Variants in OTULINL observed in about 807,000 individuals in gnomAD.
OTULINL encodes the protein OTU deubiquitinase with linear linkage specificity like, also known as inactive ubiquitin thioesterase OTULINL.
In OTULINL, 42 loss-of-function variants were observed where a neutral mutation model predicts 43.9. The observed-to-expected ratio is 0.96, with a 90% CI of 0.75 to 1.24. OTULINL has a LOEUF of 1.24. Ranked by LOEUF, OTULINL falls within the 50% of genes most tolerant of loss-of-function variation. The pLI is 0.00. For synonymous variants in OTULINL, 172 were observed against 153.6 expected, an observed-to-expected ratio of 1.12 and a Z score of -0.88; for missense variants, 411 against 426.4, an observed-to-expected ratio of 0.96 and a Z score of 0.32.
intron 5 of OTULINL, 101 bp from the exon 6 acceptor site, chr5:14,607,229 C>CG: frequency 1.3e-5 from 16 of 1,249,380 alleles, no homozygotes; most frequent in Admixed American, 2.4e-5. Flanking sequence ...GATTCCATCT[C>CG]GAAAAAAAAA....
chr5:14,585,947 T>G (rs1165447713), intron 1 of OTULINL, among the ~76,000 whole-genome samples: 2 of 152,258 alleles, frequency 1.3e-5, no homozygotes, highest in Non-Finnish European at 2.9e-5. Flanking sequence ...TGTATACTGT[T>G]GTTATTGTTT....
In OTULINL at chr5:14,613,987, T is replaced by G. The variant is rs1759626273; in HGVS notation, c.*3673T>G. The stretch of plus-strand genomic sequence containing the variant: ...CTGACTTTTTTGAATGCTCTGGAAA[T>G]GTTGGAATTCCACATCAAAGTACGT... On this transcript the variant is annotated 3_prime_UTR_variant, in exon 8 of 8. Coordinates refer to ENST00000274217, the MANE Select transcript of OTULINL (RefSeq NM_019018.3). Among the ~76,000 whole-genome samples, 1 of 152,234 alleles carries G rather than the reference T, an allele frequency of 6.6e-6. No individual in the cohort carries two copies. The highest frequency in any genetic ancestry group is 6.5e-5 in the Admixed American group (1 of 15,286).
rs1342216297 is a variant in OTULINL, at chr5:14,611,719, G to A, written c.*1405G>A. The stretch of plus-strand genomic sequence containing the variant: ...TTAATTTGATAGTTTTTTTTTTGGA[G>A]GTACTTTGCTAGTCTGTTTTGAGTT... On this transcript the variant is annotated 3_prime_UTR_variant, in exon 8 of 8. Coordinates refer to ENST00000274217, the MANE Select transcript of OTULINL (RefSeq NM_019018.3). 2 of 151,572 alleles carry A rather than the reference G, an allele frequency of 1.3e-5. No homozygotes were observed. Among genetic ancestry groups the A allele is most frequent in the East Asian group, 1.9e-4 (1 of 5,162 alleles). The allele number at this position is 151,572 out of a possible 1,614,324, so 9.4% of individuals were successfully genotyped here.
intron 4 of OTULINL, among the ~76,000 whole-genome samples, chr5:14,601,850 T>C (rs1759394222): frequency 6.6e-6 from 1 of 152,240 alleles, no homozygotes; most frequent in South Asian, 2.1e-4. Context: ...CTGCCCAATC[T>C]TGCCACTAGC....
chr5:14,600,894 TTTTTTCTC>T, intron 1 of OTULINL, 63 bp from the exon 2 acceptor site: 2 of 1,293,894 alleles, frequency 1.5e-6, no homozygotes, highest in Non-Finnish European at 2.0e-6. Context: ...TCTCTGCATT[TTTTTTCTC>T]TTAAAGCAAA....
chr5:14,597,115 A>G (rs997255054), intron 1 of OTULINL, among the ~76,000 whole-genome samples: 9 of 152,286 alleles, frequency 5.9e-5, no homozygotes, highest in African/African-American at 2.2e-4. Context: ...TTTCCCCCTC[A>G]AAGTTTTCTC....
chr5:14,590,430 G>A (rs1225391485), intron 1 of OTULINL, among the ~76,000 whole-genome samples: 1 of 152,216 alleles, frequency 6.6e-6, no homozygotes. Context: ...TGGTATTGAT[G>A]TTGCTGTCCT....
chr5:14,603,454 A>T (rs925155757), intron 5 of OTULINL, among the ~76,000 whole-genome samples: 2 of 152,206 alleles, frequency 1.3e-5, no homozygotes, highest in Non-Finnish European at 2.9e-5. Context: ...ACAATGTATA[A>T]GCAATGTTTC....
chr5:14,605,885 C>T (rs1325456009), intron 5 of OTULINL, among the ~76,000 whole-genome samples: 1 of 152,206 alleles, frequency 6.6e-6, no homozygotes, highest in Non-Finnish European at 1.5e-5. Context: ...TTCAACAAGT[C>T]TCTAGGGTCT....
intron 1 of OTULINL, among the ~76,000 whole-genome samples, chr5:14,586,060 A>G (rs879369495): frequency 6.6e-6 from 1 of 152,258 alleles, no homozygotes; most frequent in Non-Finnish European, 1.5e-5. Flanking sequence ...ATACATGGCT[A>G]TTAAAGTCTC....
intron 1 of OTULINL, among the ~76,000 whole-genome samples, chr5:14,590,732 A>G (rs1412336010): frequency 6.6e-6 from 1 of 152,130 alleles, no homozygotes; most frequent in Non-Finnish European, 1.5e-5. Context: ...ACTGACTGTC[A>G]CTACTATTCT....
At position 14,610,490 on chromosome 5, in the gene OTULINL, G is replaced by A; in HGVS notation, c.*176G>A. The A allele has an allele frequency of 1.6e-6, 1 of 644,386 alleles. No homozygotes were observed. Among genetic ancestry groups the A allele is most frequent in the Non-Finnish European group, 2.6e-6 (1 of 390,456 alleles). The allele number at this position is 644,386 out of a possible 1,614,324, so 39.9% of individuals were successfully genotyped here. A position where few individuals can be genotyped will look rare whatever the true frequency, so the allele number is the denominator to read the frequency against. On this transcript the variant is annotated 3_prime_UTR_variant, in exon 8 of 8. Transcript: ENST00000274217. ...GGATGGTTTTTCTTTATTTTTCAGT[G>A]ATTTCCTCTGAAGCAGCTGCACTGA... is the stretch of plus-strand genomic sequence containing the variant.
chr5:14,604,551 A>AG (rs1759440682), intron 5 of OTULINL, among the ~76,000 whole-genome samples: 1 of 152,322 alleles, frequency 6.6e-6, no homozygotes, highest in South Asian at 2.1e-4. Context: ...TCCCTTCTTA[A>AG]GGTATGTCTT....
At chr5:14,584,687 A>AT (rs1156644442) in intron 1 of OTULINL, among the ~76,000 whole-genome samples, 13 of 152,132 alleles carry the variant, frequency 8.5e-5, no homozygotes, top group African/African-American at 2.9e-4. Context: ...AGTAGCTGTT[A>AT]TTTTTTAACC....
intron 6 of OTULINL, 59 bp from the exon 7 acceptor site, chr5:14,608,688 TG>T: frequency 7.8e-7 from 1 of 1,288,688 alleles, no homozygotes; most frequent in Non-Finnish European, 1.1e-6. Context: ...TTAAAAGTTA[TG>T]GAATGGTATA....
At chr5:14,583,404 C>T (rs1579912297) in intron 1 of OTULINL, among the ~76,000 whole-genome samples, 1 of 152,216 alleles carries the variant, frequency 6.6e-6, no homozygotes, top group East Asian at 1.9e-4. Context: ...TTCATTTGAA[C>T]TTTTTATTAT....
At chr5:14,583,242 C>T (rs1186903172) in intron 1 of OTULINL, among the ~76,000 whole-genome samples, 1 of 152,180 alleles carries the variant, frequency 6.6e-6, no homozygotes, top group Non-Finnish European at 1.5e-5. Flanking sequence ...AAAATGAGAG[C>T]CTCCAGTTAG....
At chr5:14,589,842 T>C (rs1759167900) in intron 1 of OTULINL, among the ~76,000 whole-genome samples, 2 of 151,990 alleles carry the variant, frequency 1.3e-5, no homozygotes, top group East Asian at 1.9e-4. Flanking sequence ...ATCCCAACTA[T>C]TGGGGGGCTG....
Position 14,581,851 on chromosome 5 carries a change from A to G in OTULINL, c.-44A>G. The G allele has an allele frequency of 2.2e-6, 3 of 1,373,762 alleles. No homozygotes were observed. Among genetic ancestry groups the G allele is most frequent in the Non-Finnish European group, 2.8e-6 (3 of 1,064,018 alleles). The allele number at this position is 1,373,762 out of a possible 1,614,324, so 85.1% of individuals were successfully genotyped here. A position where few individuals can be genotyped will look rare whatever the true frequency, so the allele number is the denominator to read the frequency against. On this transcript the variant is annotated 5_prime_UTR_variant, in exon 1 of 8. Coordinates refer to ENST00000274217, the MANE Select transcript of OTULINL (RefSeq NM_019018.3). ...GCCGTCGCGTCTGACAGACCACTGC[A>G]GACCACGGGCCGAGGCCCAGCGCCC...
Sources: allele counts gnomAD v4.1 joint callset (sites outside exome capture counted in the v4.1 genomes callset), GRCh38; gene constraint gnomAD v4.1.1; transcripts MANE v1.5; gene names NCBI Gene and HGNC (gene_info 2026-07-23, HGNC 2026-07-21).